Variants in DLG2 observed in about 807,000 individuals in gnomAD.
DLG2 encodes the protein disks large homolog 2.
A neutral mutation model predicts 132.5 loss-of-function variants in DLG2; 45 were observed. That is an observed-to-expected ratio of 0.34 (90% CI 0.27 to 0.44). The LOEUF (loss-of-function observed/expected upper bound fraction) is 0.44, where lower values mean the gene tolerates loss of function less well. Ranked by LOEUF, DLG2 falls within the 20% of genes least tolerant of loss-of-function variation. The pLI, the probability that DLG2 is intolerant of heterozygous loss-of-function variation, is 1.00. For missense variants in DLG2, 1,045 were observed against 1,196.9 expected (o/e 0.87, Z 1.87); for synonymous variants, 424 against 419.6 (o/e 1.01, Z -0.13).
At chr11:83,749,106 C>T (rs1462304499) in intron 18 of DLG2, among the ~76,000 whole-genome samples, 1 of 152,104 alleles carries the variant, frequency 6.6e-6, no homozygotes, top group African/African-American at 2.4e-5. Context: ...CCATCATAGG[C>T]AATAGGTCCT....
intron 6 of DLG2, among the ~76,000 whole-genome samples, chr11:84,819,439 A>ACAGGTGAAT (rs1381087657): frequency 6.6e-6 from 1 of 151,864 alleles, no homozygotes; most frequent in African/African-American, 2.4e-5. Context: ...TTCAAATGTC[A>ACAGGTGAAT]CAGGTGAATA....
At chr11:84,481,757 G>A (rs1022374919) in intron 7 of DLG2, among the ~76,000 whole-genome samples, 4 of 152,066 alleles carry the variant, frequency 2.6e-5, no homozygotes, top group African/African-American at 9.7e-5. Context: ...TATCAAAATT[G>A]CTTATGTTTC....
At chr11:85,467,246 A>C (rs963849401) in intron 3 of DLG2, among the ~76,000 whole-genome samples, 6 of 152,242 alleles carry the variant, frequency 3.9e-5, no homozygotes, top group South Asian at 2.1e-4. Flanking sequence ...ACAATCATGT[A>C]ATCTCCAAAC....
At chr11:84,240,152 C>T (rs1157263817) in intron 8 of DLG2, among the ~76,000 whole-genome samples, 1 of 152,182 alleles carries the variant, frequency 6.6e-6, no homozygotes, top group East Asian at 1.9e-4. Context: ...TTTTAACCTG[C>T]TATTTAGCAC....
chr11:85,412,760 C>CACACATATATATATATATATAT (rs756868795), intron 3 of DLG2, among the ~76,000 whole-genome samples: 3 of 113,276 alleles, frequency 2.6e-5, no homozygotes, highest in Non-Finnish European at 5.3e-5. Context: ...CACACACACA[C>CACACATATATATATATATATAT]ATATATATAT....
At chr11:84,287,781 A>ACAC (rs1567184872) in intron 7 of DLG2, among the ~76,000 whole-genome samples, 2 of 97,730 alleles carry the variant, frequency 2.0e-5, no homozygotes, top group African/African-American at 7.9e-5. Flanking sequence ...CACACACACA[A>ACAC]ATACTTTATT....
At chr11:84,076,665 TC>T (rs2096834336) in intron 10 of DLG2, among the ~76,000 whole-genome samples, 1 of 152,188 alleles carries the variant, frequency 6.6e-6, no homozygotes, top group Non-Finnish European at 1.5e-5. Context: ...AACCCAACCC[TC>T]CACCTTCTTC....
chr11:83,939,016 C>G (rs2154137088), intron 14 of DLG2, among the ~76,000 whole-genome samples: 1 of 152,304 alleles, frequency 6.6e-6, no homozygotes, highest in South Asian at 2.1e-4. Context: ...TCTGTAATGA[C>G]ATCAGCTGGC....
intron 7 of DLG2, among the ~76,000 whole-genome samples, chr11:84,498,950 G>A (rs975266951): frequency 1.3e-5 from 2 of 152,180 alleles, no homozygotes; most frequent in Non-Finnish European, 1.5e-5. Flanking sequence ...ATACACTGAA[G>A]GATGAGTTGC....
intron 18 of DLG2, among the ~76,000 whole-genome samples, chr11:83,699,802 G>A (rs2082575986): frequency 6.7e-6 from 1 of 149,168 alleles, no homozygotes; most frequent in African/African-American, 2.5e-5. Flanking sequence ...TATAAGAATG[G>A]GGCTAAAAAT....
intron 7 of DLG2, among the ~76,000 whole-genome samples, chr11:84,346,385 A>T (rs2098539395): frequency 6.6e-6 from 1 of 152,214 alleles, no homozygotes; most frequent in Admixed American, 6.5e-5. Context: ...TGCCTGGTAT[A>T]CAGCAGGTAT....
intron 6 of DLG2, among the ~76,000 whole-genome samples, chr11:85,062,553 C>A (rs1371515192): frequency 4.0e-5 from 6 of 149,346 alleles, no homozygotes; most frequent in African/African-American, 1.5e-4. Context: ...AAAAAAAAAA[C>A]TGACAGGAAA....
intron 7 of DLG2, among the ~76,000 whole-genome samples, chr11:84,402,785 G>A (rs1012931833): frequency 6.0e-5 from 9 of 151,170 alleles, no homozygotes; most frequent in African/African-American, 2.2e-4. Context: ...GGGAGGCTGA[G>A]GCAGGAGAAT....
At chr11:85,187,090 T>G (rs1169972488) in intron 4 of DLG2, among the ~76,000 whole-genome samples, 1 of 152,124 alleles carries the variant, frequency 6.6e-6, no homozygotes, top group Non-Finnish European at 1.5e-5. Flanking sequence ...TACTGAACAT[T>G]GTAATATCTT....
chr11:83,726,075 A>C (rs1186751955), intron 18 of DLG2, among the ~76,000 whole-genome samples: 2 of 152,230 alleles, frequency 1.3e-5, no homozygotes, highest in Admixed American at 1.3e-4. Flanking sequence ...AGCTCACCTG[A>C]GATGCAAAGT....
intron 6 of DLG2, among the ~76,000 whole-genome samples, chr11:84,834,672 C>G (rs2079486466): frequency 6.6e-6 from 1 of 151,092 alleles, no homozygotes. Context: ...TCATGAGGTG[C>G]AGGGCAAACA....
chr11:85,537,803 C>T (rs539381270), intron 3 of DLG2, among the ~76,000 whole-genome samples: 5 of 152,046 alleles, frequency 3.3e-5, no homozygotes, highest in African/African-American at 7.3e-5. Context: ...GAACAAACTG[C>T]GGACACATCA....
intron 11 of DLG2, among the ~76,000 whole-genome samples, chr11:83,984,761 T>C (rs1592366252): frequency 1.3e-5 from 2 of 152,186 alleles, no homozygotes; most frequent in South Asian, 4.1e-4. Flanking sequence ...GATACAAGTA[T>C]ACAATGTGTA....
chr11:84,541,188 T>TATAATAATA (rs536129464), intron 6 of DLG2, among the ~76,000 whole-genome samples: 33 of 113,898 alleles, frequency 2.9e-4, no homozygotes, highest in South Asian at 2.9e-4. Context: ...CTTGAAGTAT[T>TATAATAATA]ATAATAATAA....
Sources: gnomAD v4.1 joint callset for allele counts (sites outside exome capture counted in the v4.1 genomes callset) on GRCh38, gnomAD v4.1.1 for gene constraint, MANE v1.5 for transcripts, NCBI Gene and HGNC (gene_info 2026-07-23, HGNC 2026-07-21) for gene names.